PAK3: variants seen among roughly 807,000 people sequenced by gnomAD.
PAK3 encodes p21 (RAC1) activated kinase 3, also known as serine/threonine-protein kinase PAK 3.
In PAK3, 4 loss-of-function variants were observed where a neutral mutation model predicts 41.0. The observed-to-expected ratio is 0.10, with a 90% CI of 0.05 to 0.22. The LOEUF is 0.22. Among genes scored for constraint, PAK3 ranks in the 10% least tolerant of loss-of-function variants. PAK3 has a pLI of 1.00. For missense variants in PAK3, 205 were observed against 409.9 expected (o/e 0.50, Z 4.32); for synonymous variants, 146 against 139.6 (o/e 1.05, Z -0.32).
In PAK3 at chrX:111,222,116, A is replaced by G. The variant is rs1461807136; in HGVS notation, c.*1669A>G. On this transcript the variant is annotated 3_prime_UTR_variant, in exon 18 of 18. Coordinates refer to ENST00000372007, the MANE Select transcript of PAK3 (RefSeq NM_002578.5). ...TCTCTAAGCCTTTGAAAAACTAACAATTTGTGTTATAGAAGGCTTCTTAAT... is the reference window on the plus strand; with the variant it reads ...TCTCTAAGCCTTTGAAAAACTAACAGTTTGTGTTATAGAAGGCTTCTTAAT... 8.9e-6 allele frequency: 1 copy of G among 111,813 alleles called. No homozygotes were observed. Among genetic ancestry groups the G allele is most frequent in the Admixed American group, 9.5e-5 (1 of 10,502 alleles). 9.2% of individuals were successfully genotyped at this position (111,813 alleles called of 1,213,427 possible). A position where few individuals can be genotyped will look rare whatever the true frequency, so the allele number is the denominator to read the frequency against.
chrX:111,142,018 T>C, intron 5 of PAK3, 78 bp from the exon 6 acceptor site: 1 of 590,401 alleles, frequency 1.7e-6, no homozygotes, highest in Non-Finnish European at 3.0e-6. Flanking sequence ...TTGTAATTGT[T>C]TTGATGAACC....
At chrX:111,215,697 A>G (rs1435220151) in intron 16 of PAK3, among the ~76,000 whole-genome samples, 1 of 112,350 alleles carries the variant, frequency 8.9e-6, no homozygotes, top group Non-Finnish European at 1.9e-5. Context: ...AGAGAAATAT[A>G]CAATTATTAG....
chrX:111,160,522 T>G (rs1273835167), intron 8 of PAK3, among the ~76,000 whole-genome samples: 9 of 109,739 alleles, frequency 8.2e-5, no homozygotes, highest in East Asian at 2.9e-4. Context: ...ACGTGCAGGT[T>G]TGTTACATAT....
At chrX:111,144,904 T>G (rs1297520396) in intron 6 of PAK3, 1 of 1,109,762 alleles carries the variant, frequency 9.0e-7, no homozygotes, top group African/African-American at 1.8e-5. Flanking sequence ...TCGCTTCAAG[T>G]CAATCAGAGG....
intron 1 of PAK3, among the ~76,000 whole-genome samples, chrX:110,946,713 G>A (rs1043361319): frequency 3.6e-5 from 4 of 112,138 alleles, no homozygotes; most frequent in African/African-American, 9.7e-5. Flanking sequence ...CAACTTCAAC[G>A]CAGGAATTTC....
intron 1 of PAK3, among the ~76,000 whole-genome samples, chrX:111,086,122 G>C (rs1211939308): frequency 9.2e-6 from 1 of 108,391 alleles, no homozygotes; most frequent in East Asian, 2.9e-4. Context: ...GGGCAGGGGG[G>C]CGGTGGGGGG....
chrX:111,100,181 G>A (rs142351954), intron 3 of PAK3, among the ~76,000 whole-genome samples: 2,214 of 110,105 alleles, frequency 0.02, 66 homozygotes, highest in African/African-American at 0.07. Flanking sequence ...TTCACTAGTG[G>A]CCCTTACTCC....
intron 5 of PAK3, among the ~76,000 whole-genome samples, chrX:111,140,634 G>A (rs1468410740): frequency 4.5e-5 from 5 of 111,775 alleles, no homozygotes; most frequent in Non-Finnish European, 9.4e-5. Flanking sequence ...ATGAGGGTAA[G>A]TTATATGGCA....
intron 13 of PAK3, among the ~76,000 whole-genome samples, chrX:111,193,765 C>CA (rs199772612): frequency 9.5e-6 from 1 of 105,768 alleles, no homozygotes; most frequent in Non-Finnish European, 1.9e-5. Flanking sequence ...AAACAAAAAA[C>CA]AAAAAACAAA....
At chrX:111,166,671 A>G (rs2094259355) in intron 10 of PAK3, among the ~76,000 whole-genome samples, 1 of 111,494 alleles carries the variant, frequency 9.0e-6, no homozygotes, top group African/African-American at 3.3e-5. Context: ...AGGGAGTCAG[A>G]AGGATCTACA....
At chrX:111,126,451 T>C (rs2093650293) in intron 5 of PAK3, among the ~76,000 whole-genome samples, 2 of 110,904 alleles carry the variant, frequency 1.8e-5, no homozygotes, top group Admixed American at 1.9e-4. Context: ...TATTTCTGTG[T>C]TCCTATCTCT....
intron 11 of PAK3, among the ~76,000 whole-genome samples, chrX:111,187,633 A>G (rs181388012): frequency 9.0e-6 from 1 of 111,525 alleles, no homozygotes; most frequent in Non-Finnish European, 1.9e-5. Flanking sequence ...GGAGAGATTC[A>G]TATTTATACC....
intron 1 of PAK3, among the ~76,000 whole-genome samples, chrX:111,003,391 G>A (rs1030344980): frequency 9.0e-6 from 1 of 111,261 alleles, no homozygotes; most frequent in African/African-American, 3.3e-5. Flanking sequence ...GCACCTCGGG[G>A]AAACTGCCAC....
intron 1 of PAK3, among the ~76,000 whole-genome samples, chrX:111,055,892 G>C (rs1295193674): frequency 9.0e-6 from 1 of 111,511 alleles, no homozygotes; most frequent in Non-Finnish European, 1.9e-5. Flanking sequence ...CCTATGAACA[G>C]ACCAGGCATA....
chrX:111,010,715 C>T (rs761110423), intron 1 of PAK3, among the ~76,000 whole-genome samples: 14 of 111,883 alleles, frequency 1.3e-4, no homozygotes, highest in African/African-American at 4.2e-4. Flanking sequence ...GAAGCCCTCA[C>T]CAGAATCCAA....
At chrX:111,163,992 G>A (rs1282058319) in intron 10 of PAK3, among the ~76,000 whole-genome samples, 1 of 111,980 alleles carries the variant, frequency 8.9e-6, no homozygotes, top group African/African-American at 3.2e-5. Context: ...CAAGTTTTAA[G>A]ATTACATCTT....
chrX:111,134,283 A>G (rs2093757761), intron 5 of PAK3, among the ~76,000 whole-genome samples: 1 of 111,862 alleles, frequency 8.9e-6, no homozygotes, highest in Admixed American at 9.5e-5. Flanking sequence ...CTGTTGGGGG[A>G]AAAACAGCAA....
intron 11 of PAK3, among the ~76,000 whole-genome samples, chrX:111,190,297 G>C (rs1328726165): frequency 9.0e-6 from 1 of 111,611 alleles, no homozygotes; most frequent in East Asian, 2.8e-4. Context: ...TTAAAAGCAA[G>C]AGAGTCAGAC....
intron 4 of PAK3, among the ~76,000 whole-genome samples, chrX:111,110,909 C>G (rs2093359094): frequency 8.9e-6 from 1 of 111,944 alleles, no homozygotes; most frequent in African/African-American, 3.2e-5. Context: ...AAACATTCAC[C>G]TTGAAGCACT....
Sources: allele counts gnomAD v4.1 joint callset (sites outside exome capture counted in the v4.1 genomes callset), GRCh38; gene constraint gnomAD v4.1.1; transcripts MANE v1.5; gene names NCBI Gene and HGNC (gene_info 2026-07-23, HGNC 2026-07-21).